GBE1: variants seen among roughly 807,000 people sequenced by gnomAD.
GBE1 encodes 1,4-alpha-glucan-branching enzyme.
In GBE1, 70 loss-of-function variants were observed where a neutral mutation model predicts 88.8. The observed-to-expected ratio is 0.79, with a 90% CI of 0.65 to 0.96. GBE1 has a LOEUF of 0.96. Among genes scored for constraint, GBE1 ranks in the 40% least tolerant of loss-of-function variants. The pLI is 0.00. For missense variants in GBE1, 872 were observed against 871.0 expected (o/e 1.00, Z -0.01); for synonymous variants, 284 against 300.1 (o/e 0.95, Z 0.56).
intron 7 of GBE1, among the ~76,000 whole-genome samples, chr3:81,605,753 T>C (rs1049804799): frequency 1.4e-4 from 21 of 152,134 alleles, no homozygotes; most frequent in Admixed American, 1.0e-3. Context: ...GGTCTCAGCG[T>C]TGCATGGCTC....
intron 2 of GBE1, among the ~76,000 whole-genome samples, chr3:81,677,403 T>C (rs969043450): frequency 1.3e-5 from 2 of 152,202 alleles, no homozygotes; most frequent in African/African-American, 4.8e-5. Flanking sequence ...AAAACAGTTG[T>C]TAAATATCTG....
At chr3:81,736,740 T>G (rs1178573014) in intron 1 of GBE1, among the ~76,000 whole-genome samples, 1 of 152,174 alleles carries the variant, frequency 6.6e-6, no homozygotes, top group Non-Finnish European at 1.5e-5. Flanking sequence ...TGGCAACCTC[T>G]CAAATCAGAA....
chr3:81,570,368 A>G (rs1192779345), intron 12 of GBE1, among the ~76,000 whole-genome samples: 2 of 152,306 alleles, frequency 1.3e-5, no homozygotes, highest in East Asian at 3.9e-4. Flanking sequence ...GGCTCTCAGG[A>G]TATGATTGTT....
chr3:81,662,791 TAGTCAGTCA>T (rs1576190348), intron 3 of GBE1, among the ~76,000 whole-genome samples: 1 of 152,228 alleles, frequency 6.6e-6, no homozygotes, highest in African/African-American at 2.4e-5. Flanking sequence ...AATGGCTCTT[TAGTCAGTCA>T]AACTGCCTTT....
chr3:81,650,524 AAT>A (rs1262444348), intron 3 of GBE1, among the ~76,000 whole-genome samples: 3 of 152,242 alleles, frequency 2.0e-5, no homozygotes, highest in African/African-American at 7.2e-5. Flanking sequence ...ATTTGCCAGC[AAT>A]ATGACTATTT....
intron 1 of GBE1, among the ~76,000 whole-genome samples, chr3:81,755,152 G>A (rs542343720): frequency 1.5e-4 from 23 of 152,020 alleles, no homozygotes; most frequent in South Asian, 2.1e-4. Flanking sequence ...TAAAATGGGC[G>A]AAAGATCTGA....
chr3:81,589,925 T>A lies in GBE1; in HGVS notation c.1236+1112A>T, dbSNP rs948291314. Among the ~76,000 whole-genome samples, 6 of 152,084 alleles carry A rather than the reference T, an allele frequency of 3.9e-5. No homozygotes were observed. In the East Asian group the frequency reaches 1.2e-3, roughly 29 times the overall value. ...GCACAAGTATTAGTAAGATGTGCTA[T>A]GATCAAACGTAGGTAGGTCATGACT... On this transcript the variant is annotated intron_variant, in intron 9 of 15. Transcript: ENST00000429644.
At chr3:81,585,998 T>A in intron 10 of GBE1, 94 bp downstream of exon 10, 1 of 694,856 alleles carries the variant, frequency 1.4e-6, no homozygotes, top group Non-Finnish European at 2.4e-6. Context: ...AATTATAATA[T>A]CTGTAACTAA....
chr3:81,685,650 G>A (rs763990872), intron 2 of GBE1, among the ~76,000 whole-genome samples: 2 of 152,032 alleles, frequency 1.3e-5, no homozygotes, highest in Non-Finnish European at 2.9e-5. Context: ...CCAAAGTGCT[G>A]GTATTACAAG....
intron 12 of GBE1, among the ~76,000 whole-genome samples, chr3:81,540,340 C>T (rs180892157): frequency 6.6e-6 from 1 of 152,080 alleles, no homozygotes; most frequent in East Asian, 1.9e-4. Flanking sequence ...AGTTTATCAA[C>T]TTCTCCATAA....
chr3:81,530,664 A>C (rs1231368016), intron 14 of GBE1, among the ~76,000 whole-genome samples: 1 of 151,894 alleles, frequency 6.6e-6, no homozygotes, highest in Non-Finnish European at 1.5e-5. Flanking sequence ...CTTTCCCCTA[A>C]ACAAAGGTCA....
At position 81,698,271 on chromosome 3, in the gene GBE1, C is replaced by A. The variant is rs73853462; in HGVS notation, c.313+7173G>T. ...GGGAGTAATAAAGTACACACACACA[C>A]AAAACAGTAAACATGTTATTTTAAC... is the stretch of plus-strand genomic sequence containing the variant. On this transcript the variant is annotated intron_variant, in intron 2 of 15. Coordinates refer to ENST00000429644, the MANE Select transcript of GBE1 (RefSeq NM_000158.4). Among the ~76,000 whole-genome samples, 769 of 151,894 alleles carry A rather than the reference C, an allele frequency of 5.1e-3. 2 individuals are homozygous for A. Among genetic ancestry groups the A allele is most frequent in the African/African-American group, 0.018 (738 of 41,480 alleles).
At chr3:81,641,426 C>A (rs191767498) in intron 7 of GBE1, among the ~76,000 whole-genome samples, 3 of 152,198 alleles carry the variant, frequency 2.0e-5, no homozygotes, top group Admixed American at 2.0e-4. Context: ...AGAATTAACA[C>A]AGATTTAGTC....
At chr3:81,743,456 T>A in intron 1 of GBE1, 1 of 761,508 alleles carries the variant, frequency 1.3e-6, no homozygotes, top group African/African-American at 1.7e-5. Flanking sequence ...CCCCACAATA[T>A]TATCACTAGT....
chr3:81,669,803 T>C (rs1705164300), intron 3 of GBE1, among the ~76,000 whole-genome samples: 3 of 152,184 alleles, frequency 2.0e-5, no homozygotes, highest in South Asian at 4.1e-4. Context: ...AAACATCTTC[T>C]TATCCCAAAC....
chr3:81,547,717 A>G (rs891392024), intron 12 of GBE1, among the ~76,000 whole-genome samples: 1 of 149,244 alleles, frequency 6.7e-6, no homozygotes, highest in Non-Finnish European at 1.5e-5. Context: ...ATCACTGTTT[A>G]TCTCCTCTGT....
At chr3:81,614,952 C>A (rs570195582) in intron 7 of GBE1, among the ~76,000 whole-genome samples, 2 of 152,024 alleles carry the variant, frequency 1.3e-5, no homozygotes, top group South Asian at 4.2e-4. Context: ...TCGTCTGAGC[C>A]CAGGGCCCAG....
chr3:81,570,453 A>G (rs1703559004), intron 12 of GBE1, among the ~76,000 whole-genome samples: 1 of 152,228 alleles, frequency 6.6e-6, no homozygotes, highest in Admixed American at 6.5e-5. Context: ...GATATTCCCA[A>G]ATCTTAAGAG....
intron 7 of GBE1, among the ~76,000 whole-genome samples, chr3:81,615,499 C>T (rs548956319): frequency 2.0e-5 from 3 of 152,290 alleles, no homozygotes; most frequent in South Asian, 4.2e-4. Context: ...TTTGTCACTA[C>T]AAGAATGATA....
Sources: allele counts gnomAD v4.1 joint callset (sites outside exome capture counted in the v4.1 genomes callset), GRCh38; gene constraint gnomAD v4.1.1; transcripts MANE v1.5; gene names NCBI Gene and HGNC (gene_info 2026-07-23, HGNC 2026-07-21).